ROBO1: variants seen among roughly 807,000 people sequenced by gnomAD.
ROBO1 encodes the protein roundabout homolog 1.
Under a neutral mutation model 195.9 loss-of-function variants are expected in ROBO1, and 149 were observed. The ratio of observed to expected loss-of-function variants is 0.76; its 90% CI spans 0.67 to 0.87. The LOEUF (loss-of-function observed/expected upper bound fraction) is 0.87. Ranked by LOEUF, ROBO1 falls within the 40% of genes least tolerant of loss-of-function variation. The probability of loss-of-function intolerance (pLI) is 0.00; values close to 1 mark genes in which losing one functional copy is unlikely to be tolerated. For synonymous variants in ROBO1, 816 were observed against 733.2 expected, an observed-to-expected ratio of 1.11 and a Z score of -1.82; for missense variants, 1,933 against 2,068.3, an observed-to-expected ratio of 0.93 and a Z score of 1.27.
rs1322884311 is a variant in ROBO1 at position 78,646,137 on chromosome 3, A to C, written c.2882+11T>G. 6.2e-7 allele frequency: 1 copy of C among 1,604,810 alleles called. No homozygotes were observed. Among genetic ancestry groups the C allele is most frequent in the Non-Finnish European group, 8.5e-7 (1 of 1,173,248 alleles). ...TCCCTGTAGGATCTACAAAACAAGCAAGATAATTACCTCCCTCCACTGCTG... is the reference window on the plus strand; with the variant it reads ...TCCCTGTAGGATCTACAAAACAAGCCAGATAATTACCTCCCTCCACTGCTG... On this transcript the variant is annotated intron_variant, in intron 21 of 30. Coordinates refer to ENST00000464233, the MANE Select transcript of ROBO1 (RefSeq NM_002941.4).
chr3:79,503,252 C>T (rs1940208821), intron 2 of ROBO1, among the ~76,000 whole-genome samples: 1 of 152,096 alleles, frequency 6.6e-6, no homozygotes, highest in Admixed American at 6.5e-5. Context: ...CTGTAACACT[C>T]ACCAGGAAAG....
chr3:78,856,057 C>CT (rs1259255425), intron 4 of ROBO1, among the ~76,000 whole-genome samples: 4 of 150,548 alleles, frequency 2.7e-5, no homozygotes, highest in East Asian at 2.0e-4. Context: ...TTTCCTTTTT[C>CT]TTTTTTTTCA....
intron 10 of ROBO1, among the ~76,000 whole-genome samples, chr3:78,682,487 G>C (rs2080942972): frequency 7.5e-6 from 1 of 133,980 alleles, no homozygotes; most frequent in South Asian, 2.2e-4. Flanking sequence ...GTGTATATAT[G>C]TGTATATGTA....
intron 3 of ROBO1, among the ~76,000 whole-genome samples, chr3:79,046,217 T>C (rs752139975): frequency 2.0e-5 from 3 of 152,238 alleles, no homozygotes; most frequent in Non-Finnish European, 4.4e-5. Flanking sequence ...AGCTGCTCTA[T>C]GGGGAGGCTG....
chr3:79,042,345 T>A (rs1432581425), intron 3 of ROBO1, among the ~76,000 whole-genome samples: 1 of 152,154 alleles, frequency 6.6e-6, no homozygotes, highest in African/African-American at 2.4e-5. Context: ...CATGTCTTTA[T>A]CCTTTTAAAA....
chr3:78,701,301 T>C (rs919833827), intron 8 of ROBO1, among the ~76,000 whole-genome samples: 1 of 152,208 alleles, frequency 6.6e-6, no homozygotes, highest in South Asian at 2.1e-4. Context: ...AGTTCCATAC[T>C]TATAAAAAGG....
chr3:79,342,072 G>A (rs1446391091), intron 2 of ROBO1, among the ~76,000 whole-genome samples: 3 of 152,178 alleles, frequency 2.0e-5, no homozygotes, highest in Non-Finnish European at 4.4e-5. Flanking sequence ...AAGTAGCAAG[G>A]AAGAGTGGAA....
At chr3:78,738,230 G>C (rs1360468317) in intron 5 of ROBO1, among the ~76,000 whole-genome samples, 1 of 152,080 alleles carries the variant, frequency 6.6e-6, no homozygotes, top group African/African-American at 2.4e-5. Context: ...TGGGATGTGA[G>C]TCAGCTGCTT....
chr3:79,740,943 T>C (rs1703617192), intron 1 of ROBO1, among the ~76,000 whole-genome samples: 3 of 152,172 alleles, frequency 2.0e-5, no homozygotes, highest in Admixed American at 6.5e-5. Context: ...ATATAAAAAA[T>C]AGTTGTGAAA....
intron 2 of ROBO1, among the ~76,000 whole-genome samples, chr3:79,354,801 A>G (rs2035479339): frequency 6.6e-6 from 1 of 152,200 alleles, no homozygotes; most frequent in Non-Finnish European, 1.5e-5. Context: ...AAAGCTTTTA[A>G]TAACAGAAAA....
chr3:79,318,679 C>T (rs536967195), intron 2 of ROBO1, among the ~76,000 whole-genome samples: 4 of 152,120 alleles, frequency 2.6e-5, no homozygotes, highest in Non-Finnish European at 5.9e-5. Flanking sequence ...GTTTTTCAAC[C>T]ACAATAGCGA....
intron 2 of ROBO1, among the ~76,000 whole-genome samples, chr3:79,574,176 T>C (rs147287532): frequency 1.5e-3 from 224 of 152,244 alleles, no homozygotes; most frequent in African/African-American, 5.1e-3. Flanking sequence ...TATAAAATAA[T>C]GATATATCTC....
intron 4 of ROBO1, among the ~76,000 whole-genome samples, chr3:78,874,259 T>C (rs896862156): frequency 5.9e-5 from 9 of 152,100 alleles, no homozygotes; most frequent in African/African-American, 2.2e-4. Context: ...AACTGCTTAT[T>C]AAAATACACC....
intron 2 of ROBO1, among the ~76,000 whole-genome samples, chr3:79,554,786 G>A (rs946446579): frequency 1.1e-4 from 17 of 152,074 alleles, no homozygotes; most frequent in Admixed American, 3.9e-4. Flanking sequence ...AATCATCTTG[G>A]AGATATGGAC....
intron 3 of ROBO1, among the ~76,000 whole-genome samples, chr3:79,097,489 A>G (rs2108503013): frequency 6.6e-6 from 1 of 151,928 alleles, no homozygotes; most frequent in African/African-American, 2.4e-5. Flanking sequence ...ACTGATTTGA[A>G]ATGATTGTGT....
intron 1 of ROBO1, among the ~76,000 whole-genome samples, chr3:79,627,837 G>A (rs1251203360): frequency 6.6e-6 from 1 of 152,074 alleles, no homozygotes; most frequent in Non-Finnish European, 1.5e-5. Context: ...ATGGGTTAAA[G>A]ATAAGAACAG....
At chr3:79,730,531 C>T (rs1028222981) in intron 1 of ROBO1, among the ~76,000 whole-genome samples, 2 of 151,954 alleles carry the variant, frequency 1.3e-5, no homozygotes, top group African/African-American at 4.8e-5. Context: ...CACTTGGGGG[C>T]CAATAAAAAA....
chr3:79,592,453 T>G (rs1576082464), intron 1 of ROBO1, among the ~76,000 whole-genome samples: 1 of 151,970 alleles, frequency 6.6e-6, no homozygotes, highest in Non-Finnish European at 1.5e-5. Context: ...TACCCAGAAA[T>G]CAGAAATTAT....
intron 8 of ROBO1, among the ~76,000 whole-genome samples, chr3:78,690,625 T>A (rs1053017010): frequency 4.6e-5 from 7 of 152,106 alleles, no homozygotes; most frequent in African/African-American, 1.4e-4. Context: ...GAATAATTGA[T>A]GTCAAAATCA....
Sources: allele counts gnomAD v4.1 joint callset (sites outside exome capture counted in the v4.1 genomes callset), GRCh38; gene constraint gnomAD v4.1.1; transcripts MANE v1.5; gene names NCBI Gene and HGNC (gene_info 2026-07-23, HGNC 2026-07-21).